LIN7C: variants seen among roughly 807,000 people sequenced by gnomAD.
LIN7C encodes the protein lin-7 cell polarity scaffold C.
LIN7C carries 17 observed loss-of-function variants against 24.7 expected under a neutral mutation model. That is an observed-to-expected ratio of 0.69 (90% CI 0.47 to 1.03). LIN7C has a LOEUF of 1.03. LIN7C is among the 50% of genes least tolerant of loss of function. The pLI is 0.00. For synonymous variants in LIN7C, 90 were observed against 83.4 expected (o/e 1.08, Z -0.43); for missense variants, 204 against 239.0 (o/e 0.85, Z 0.97).
chr11:27,502,398 C>T (rs1015196902), intron 1 of LIN7C, among the ~76,000 whole-genome samples: 1 of 152,048 alleles, frequency 6.6e-6, no homozygotes, highest in East Asian at 1.9e-4. Context: ...GGTCATTCCT[C>T]GAAAGAAACA....
intron 1 of LIN7C, among the ~76,000 whole-genome samples, chr11:27,503,356 C>T (rs1019704895): frequency 3.3e-5 from 5 of 152,162 alleles, no homozygotes; most frequent in African/African-American, 7.2e-5. Flanking sequence ...CCTGGTACTA[C>T]AATGCCCAGT....
At chr11:27,501,458 T>C (rs747749368) in intron 3 of LIN7C, 37 bp downstream of exon 3, 131 of 1,273,506 alleles carry the variant, frequency 1.0e-4, no homozygotes, top group Non-Finnish European at 1.4e-4. Context: ...TTCTAATTTA[T>C]GAAGAATTCT....
chr11:27,499,764 A>T (rs977520961), intron 3 of LIN7C, among the ~76,000 whole-genome samples, 196 bp from the exon 4 acceptor site: 13 of 151,842 alleles, frequency 8.6e-5, no homozygotes, highest in African/African-American at 3.1e-4. Flanking sequence ...CTGAGACTAC[A>T]GGCGCCTGCC....
At chr11:27,504,624 C>T (rs1865255419) in intron 1 of LIN7C, among the ~76,000 whole-genome samples, 3 of 152,204 alleles carry the variant, frequency 2.0e-5, no homozygotes, top group Admixed American at 1.3e-4. Flanking sequence ...TTAGGACCTT[C>T]TTCAGATACC....
chr11:27,499,298 C>G, intron 4 of LIN7C, 61 bp downstream of exon 4: 1 of 1,411,182 alleles, frequency 7.1e-7, no homozygotes, highest in Non-Finnish European at 9.9e-7. Flanking sequence ...TCCTATTACT[C>G]AAATACGCCC....
At chr11:27,499,683 C>T (rs1865203430) in intron 3 of LIN7C, 115 bp from the exon 4 acceptor site, 12 of 892,860 alleles carry the variant, frequency 1.3e-5, no homozygotes, top group South Asian at 1.2e-4. Context: ...AGTGCAGTGG[C>T]GTGATCTTGG....
At chr11:27,501,758 C>A in intron 2 of LIN7C, 44 bp downstream of exon 2, 1 of 1,257,644 alleles carries the variant, frequency 8.0e-7, no homozygotes. Flanking sequence ...ATTATCTGAC[C>A]TAATTAACTC....
At position 27,506,731 on chromosome 11, in the gene LIN7C, C is replaced by T. The variant is rs143292220; in HGVS notation, c.22G>A (p.Val8Met). 339 of 1,613,396 alleles carry T rather than the reference C, an allele frequency of 2.1e-4. 1 individual carries two copies. The highest frequency in any genetic ancestry group is 6.6e-4 in the Middle Eastern group (4 of 6,084). The stretch of plus-strand genomic sequence containing the variant: ...CTGCACTCACCTCTCTCCAGCCGCA[C>T]GGGTTCCCCTAGCGCCGCCATCTTC... MAALGEP[V>M]RLERDICRAI... Residue 8 changes from valine (V) to methionine (M), a missense_variant, in exon 1 of 5, where the codon GTG becomes ATG. Around this residue, in one of 3 missense-constraint regions of LIN7C, gnomAD observed 126 missense variants for 117.8 expected, o/e 1.07. Transcript: ENST00000278193.
chr11:27,505,696 GAAC>G (rs1448784762), intron 1 of LIN7C, among the ~76,000 whole-genome samples: 1 of 152,168 alleles, frequency 6.6e-6, no homozygotes, highest in Non-Finnish European at 1.5e-5. Flanking sequence ...TTTTCTTAGG[GAAC>G]AATAGTAATA....
At position 27,496,024 on chromosome 11, in the gene LIN7C, T is replaced by A. The variant is rs1286586665; in HGVS notation, c.*2625A>T. 2 of 151,780 alleles carry A rather than the reference T, an allele frequency of 1.3e-5. No homozygotes were observed. Among genetic ancestry groups the A allele is most frequent in the Non-Finnish European group, 2.9e-5 (2 of 67,910 alleles). 9.4% of individuals were successfully genotyped at this position (151,780 alleles called of 1,614,324 possible). The stretch of plus-strand genomic sequence containing the variant: ...AAACAAAAAAAAAACCTAAGAAATG[T>A]AATTAATCATTAAGTAGCTGCAAAT... On this transcript the variant is annotated 3_prime_UTR_variant, in exon 5 of 5. Coordinates refer to ENST00000278193, the MANE Select transcript of LIN7C (RefSeq NM_018362.4).
chr11:27,500,689 G>A (rs760417320), intron 3 of LIN7C, among the ~76,000 whole-genome samples: 3 of 151,972 alleles, frequency 2.0e-5, no homozygotes, highest in Non-Finnish European at 2.9e-5. Context: ...CTGAATACCC[G>A]TTATCTTCGA....
chr11:27,494,984 A>C lies in LIN7C; in HGVS notation c.*3665T>G, dbSNP rs550033756. 1.3e-5 allele frequency: 2 copies of C among 152,628 alleles called. No homozygotes were observed. The highest frequency in any genetic ancestry group is 2.4e-5 in the African/African-American group (1 of 41,534). 9.5% of individuals were successfully genotyped at this position (152,628 alleles called of 1,614,324 possible). On this transcript the variant is annotated 3_prime_UTR_variant, in exon 5 of 5. Transcript: ENST00000278193. ...ATTCCACATTATAAAATATTCACAAACATGTAGTTTTTTAAGTCTACACCA... is the reference window on the plus strand; with the variant it reads ...ATTCCACATTATAAAATATTCACAACCATGTAGTTTTTTAAGTCTACACCA...
In LIN7C at chr11:27,496,608, A is replaced by G. The variant is rs891447298; in HGVS notation, c.*2041T>C. The G allele has an allele frequency of 2.0e-5, 3 of 152,192 alleles. No individual in the cohort carries two copies. The highest frequency in any genetic ancestry group is 7.2e-5 in the African/African-American group (3 of 41,456). 9.4% of individuals were successfully genotyped at this position (152,192 alleles called of 1,614,324 possible). A position where few individuals can be genotyped will look rare whatever the true frequency, so the allele number is the denominator to read the frequency against. On this transcript the variant is annotated 3_prime_UTR_variant, in exon 5 of 5. Coordinates refer to ENST00000278193, the MANE Select transcript of LIN7C (RefSeq NM_018362.4). ...CCTTTGAGCTACCCTTATTTTAAGA[A>G]TTATAAATAGGTGTCAACCCACACA...
At chr11:27,505,742 TATA>T (rs1433647106) in intron 1 of LIN7C, among the ~76,000 whole-genome samples, 4 of 152,276 alleles carry the variant, frequency 2.6e-5, no homozygotes, top group Admixed American at 2.0e-4. Flanking sequence ...ATATGTGCAA[TATA>T]ATTTCAGTCT....
In LIN7C at chr11:27,498,350, A is replaced by T. The variant is rs1328140289; in HGVS notation, c.*299T>A. On this transcript the variant is annotated 3_prime_UTR_variant, in exon 5 of 5. Transcript: ENST00000278193. ...GAATGTAAAAGTACATTTTAATATT[A>T]AAAAAGCATTTTAAAAAATCTATAA... 8.7e-6 allele frequency: 2 copies of T among 228,910 alleles called. No homozygotes were observed. The highest frequency in any genetic ancestry group is 5.7e-5 in the Admixed American group (1 of 17,688). 14.2% of individuals were successfully genotyped at this position (228,910 alleles called of 1,614,324 possible).
Position 27,497,440 on chromosome 11 carries a change from C to CT in LIN7C, c.*1208dup, listed in dbSNP as rs1186713824. On this transcript the variant is annotated 3_prime_UTR_variant, in exon 5 of 5. Coordinates refer to ENST00000278193, the MANE Select transcript of LIN7C (RefSeq NM_018362.4). Reference sequence around the variant, plus strand: ...GTCACAGTCCCACACTAATAGCTGCCTTTTAGTAAAATAGTGACATCCAGT... The same window carrying CT: ...GTCACAGTCCCACACTAATAGCTGCCTTTTTAGTAAAATAGTGACATCCAGT... 6.6e-6 allele frequency: 1 copy of CT among 152,504 alleles called. No individual in the cohort carries two copies. The highest frequency in any genetic ancestry group is 1.5e-5 in the Non-Finnish European group (1 of 67,944). The allele number at this position is 152,504 out of a possible 1,614,324, so 9.4% of individuals were successfully genotyped here. A position where few individuals can be genotyped will look rare whatever the true frequency, so the allele number is the denominator to read the frequency against.
chr11:27,505,323 C>G (rs1043140517), intron 1 of LIN7C, among the ~76,000 whole-genome samples: 13 of 152,206 alleles, frequency 8.5e-5, no homozygotes, highest in Non-Finnish European at 1.5e-4. Context: ...CAGAGCAAGA[C>G]TACGTCTCCA....
intron 4 of LIN7C, among the ~76,000 whole-genome samples, 181 bp from the exon 5 acceptor site, chr11:27,498,985 C>T (rs1590440311): frequency 1.3e-5 from 2 of 152,122 alleles, no homozygotes; most frequent in Non-Finnish European, 2.9e-5. Context: ...TCCTCTCTTA[C>T]ATCATATTCT....
At chr11:27,501,099 C>T (rs755428429) in intron 3 of LIN7C, among the ~76,000 whole-genome samples, 61 of 152,004 alleles carry the variant, frequency 4.0e-4, no homozygotes, top group Admixed American at 1.2e-3. Flanking sequence ...GTGTGGTTTG[C>T]GGCAAATCAC....
Sources: gnomAD v4.1 joint callset for allele counts (sites outside exome capture counted in the v4.1 genomes callset) on GRCh38, gnomAD v4.1.1 for gene constraint, gnomAD v4.1.1 regional missense constraint, MANE v1.5 for transcripts, NCBI Gene and HGNC (gene_info 2026-07-23, HGNC 2026-07-21) for gene names.